The following IFT56 variants were observed in gnomAD, a reference collection of about 807,000 sequenced individuals.
The protein encoded by IFT56 is intraflagellar transport protein 56.
the IFT56 span, chr7:139,133,985 G>A: frequency 8.5e-7 from 1 of 1,182,868 alleles, no homozygotes; most frequent in Admixed American, 1.8e-5. Context: ...AGCTCTCCCT[G>A]TGTTCCCACG....
At chr7:139,134,601 T>C in the IFT56 span, 1 of 1,541,044 alleles carries the variant, frequency 6.5e-7, no homozygotes, top group Admixed American at 2.1e-5. Context: ...TCACTCTCAG[T>C]TTAAATCTGA....
At chr7:139,167,288 G>T in the IFT56 span, among the ~76,000 whole-genome samples, 3 of 152,174 alleles carry the variant, frequency 2.0e-5, no homozygotes, top group Admixed American at 6.5e-5. Flanking sequence ...CAGGGACTGT[G>T]TCTATATTGT....
At chr7:139,189,334 G>C in the IFT56 span, 2 of 1,608,662 alleles carry the variant, frequency 1.2e-6, no homozygotes, top group Non-Finnish European at 1.7e-6. Flanking sequence ...GACCCTTCGA[G>C]AAGTGCTCCA....
At chr7:139,133,978 TCTCC>T in the IFT56 span, 1 of 1,251,866 alleles carries the variant, frequency 8.0e-7, no homozygotes, top group South Asian at 1.2e-5. Flanking sequence ...AATCCCCAGC[TCTCC>T]CTGTGTTCCC....
At chr7:139,176,115 G>A in the IFT56 span, among the ~76,000 whole-genome samples, 6 of 151,908 alleles carry the variant, frequency 3.9e-5, no homozygotes, top group Admixed American at 6.6e-5. Context: ...CACCGCACCC[G>A]GCTTAAGATC....
the IFT56 span, among the ~76,000 whole-genome samples, chr7:139,148,910 C>G: frequency 2.0e-5 from 3 of 147,884 alleles, no homozygotes; most frequent in South Asian, 6.5e-4. Flanking sequence ...CAAAAAAACC[C>G]AAAAACCAAA....
At chr7:139,157,528 C>G in the IFT56 span, among the ~76,000 whole-genome samples, 3 of 118,688 alleles carry the variant, frequency 2.5e-5, no homozygotes, top group Non-Finnish European at 4.9e-5. Context: ...TAGACAAGCT[C>G]TGGCTCTTTC....
chr7:139,169,218 A>T, the IFT56 span: 1 of 1,289,186 alleles, frequency 7.8e-7, no homozygotes, highest in Non-Finnish European at 1.1e-6. Flanking sequence ...CAAATATGTT[A>T]GAACCATATA....
chr7:139,173,221 T>C, the IFT56 span: 1 of 468,952 alleles, frequency 2.1e-6, no homozygotes, highest in East Asian at 3.6e-5. Context: ...TTGTACAAAG[T>C]CACCTTTTTT....
the IFT56 span, among the ~76,000 whole-genome samples, chr7:139,148,828 C>T: frequency 2.5e-4 from 34 of 138,616 alleles, no homozygotes; most frequent in African/African-American, 1.3e-4. Context: ...GTTCGGGGGG[C>T]GGGTGGAGGT....
At chr7:139,153,633 G>A in the IFT56 span, among the ~76,000 whole-genome samples, 1 of 151,988 alleles carries the variant, frequency 6.6e-6, no homozygotes, top group Non-Finnish European at 1.5e-5. Context: ...TGTTTACAAG[G>A]TTCATCATGT....
chr7:139,169,711 T>C, the IFT56 span, among the ~76,000 whole-genome samples: 2 of 152,198 alleles, frequency 1.3e-5, no homozygotes, highest in Admixed American at 1.3e-4. Flanking sequence ...TTTTTTTCCA[T>C]ATAAAAATAT....
the IFT56 span, among the ~76,000 whole-genome samples, chr7:139,136,247 C>G: frequency 6.6e-6 from 1 of 152,004 alleles, no homozygotes; most frequent in Admixed American, 6.6e-5. Flanking sequence ...TTACTAAGTA[C>G]TCTGGTGTTG....
the IFT56 span, chr7:139,187,301 C>T: frequency 8.4e-3 from 11,128 of 1,331,642 alleles, 604 homozygotes; most frequent in African/African-American, 0.13. Flanking sequence ...TGTCAGCACC[C>T]ATGCACTTAT....
At chr7:139,140,010 G>T in the IFT56 span, 2 of 1,561,048 alleles carry the variant, frequency 1.3e-6, no homozygotes, top group South Asian at 1.1e-5. Context: ...TAAAGGTAAA[G>T]GGGCTCTTAT....
the IFT56 span, among the ~76,000 whole-genome samples, chr7:139,163,331 G>A: frequency 2.0e-5 from 3 of 147,170 alleles, no homozygotes; most frequent in African/African-American, 7.6e-5. Context: ...GACAGAGCGA[G>A]ACTCCATCTA....
At chr7:139,173,652 G>T in the IFT56 span, 1 of 777,116 alleles carries the variant, frequency 1.3e-6, no homozygotes, top group Non-Finnish European at 2.4e-6. Context: ...TTTTCTTCTG[G>T]GATATAATGC....
the IFT56 span, among the ~76,000 whole-genome samples, chr7:139,163,660 A>G: frequency 1.3e-5 from 2 of 152,150 alleles, no homozygotes; most frequent in Non-Finnish European, 2.9e-5. Flanking sequence ...CAAGTGGAAG[A>G]TTTTTCAAGA....
chr7:139,166,933 C>CCACTTTTAGCAGAACTTGGT, the IFT56 span: 1 of 1,398,476 alleles, frequency 7.2e-7, no homozygotes, highest in Non-Finnish European at 1.0e-6. Flanking sequence ...TAACCAAGTT[C>CCACTTTTAGCAGAACTTGGT]TGCTAAAAGT....
Sources: allele counts gnomAD v4.1 joint callset (sites outside exome capture counted in the v4.1 genomes callset), GRCh38; gene constraint gnomAD v4.1.1; transcripts MANE v1.5; gene names NCBI Gene and HGNC (gene_info 2026-07-23, HGNC 2026-07-21).